The following MAOB variants were observed in gnomAD, a reference collection of about 807,000 sequenced individuals.
MAOB encodes the protein amine oxidase [flavin-containing] B.
Under a neutral mutation model 41.9 loss-of-function variants are expected in MAOB, and 15 were observed. That is an observed-to-expected ratio of 0.36 (90% CI 0.24 to 0.55). The LOEUF is 0.55. Ranked by LOEUF, MAOB falls within the 20% of genes least tolerant of loss-of-function variation. The pLI is 0.86. For missense variants in MAOB, 345 were observed against 398.7 expected, an observed-to-expected ratio of 0.87 and a Z score of 1.15; for synonymous variants, 167 against 144.2, an observed-to-expected ratio of 1.16 and a Z score of -1.13.
At chrX:43,868,497 A>G (rs2035379438) in intron 1 of MAOB, among the ~76,000 whole-genome samples, 1 of 111,836 alleles carries the variant, frequency 8.9e-6, no homozygotes, top group Non-Finnish European at 1.9e-5. Flanking sequence ...GAAGCAGGAC[A>G]CGGGTGGTAT....
chrX:43,833,845 C>T (rs2035044127), intron 3 of MAOB, among the ~76,000 whole-genome samples: 1 of 111,567 alleles, frequency 9.0e-6, no homozygotes, highest in Non-Finnish European at 1.9e-5. Flanking sequence ...ATCTCATATC[C>T]TAAATGTTGT....
chrX:43,869,967 C>G lies in MAOB; in HGVS notation c.46+12287G>C, dbSNP rs371441339. On this transcript the variant is annotated intron_variant, in intron 1 of 14. Coordinates refer to ENST00000378069, the MANE Select transcript of MAOB (RefSeq NM_000898.5). Reference sequence around the variant, plus strand: ...AACCAGCTTGCTCCCTCACAACTTCCCTTTCTCCCTTATCCATCAAGAACT... The same window carrying G: ...AACCAGCTTGCTCCCTCACAACTTCGCTTTCTCCCTTATCCATCAAGAACT... 3.6e-5 allele frequency among the ~76,000 whole-genome samples: 4 copies of G among 112,278 alleles called. No individual in the cohort carries two copies. The South Asian group carries it at 1.1e-3, about 31-fold the overall frequency.
chrX:43,849,428 A>G (rs894412395), intron 1 of MAOB, among the ~76,000 whole-genome samples: 1 of 112,624 alleles, frequency 8.9e-6, no homozygotes, highest in Non-Finnish European at 1.9e-5. Flanking sequence ...TCATACAAGC[A>G]TCAGGGCCAC....
At chrX:43,849,709 A>ATTC (rs1220545624) in intron 1 of MAOB, among the ~76,000 whole-genome samples, 1 of 112,719 alleles carries the variant, frequency 8.9e-6, no homozygotes, top group East Asian at 2.8e-4. Flanking sequence ...TTAATTGTCT[A>ATTC]TTCTTTGTCT....
intron 2 of MAOB, among the ~76,000 whole-genome samples, chrX:43,839,868 A>G (rs964285475): frequency 8.9e-5 from 10 of 112,290 alleles, no homozygotes; most frequent in African/African-American, 3.2e-4. Flanking sequence ...GTATTTTTCA[A>G]GGAATATGAA....
intron 1 of MAOB, among the ~76,000 whole-genome samples, chrX:43,867,132 G>A (rs1383557662): frequency 8.9e-6 from 1 of 112,115 alleles, no homozygotes; most frequent in Non-Finnish European, 1.9e-5. Context: ...GAAAATAAGT[G>A]CCAAGGAGAT....
intron 7 of MAOB, among the ~76,000 whole-genome samples, 196 bp downstream of exon 7, chrX:43,795,543 G>T (rs1216823906): frequency 5.4e-5 from 6 of 111,189 alleles, no homozygotes; most frequent in African/African-American, 2.0e-4. Context: ...GCTGGGGGTG[G>T]GGCTGAAAGT....
At chrX:43,848,314 A>G (rs1230366089) in intron 1 of MAOB, among the ~76,000 whole-genome samples, 3 of 112,063 alleles carry the variant, frequency 2.7e-5, no homozygotes, top group Non-Finnish European at 5.6e-5. Flanking sequence ...TTGATATTTA[A>G]CAAAACTTTT....
intron 1 of MAOB, among the ~76,000 whole-genome samples, chrX:43,865,623 A>G (rs1319798850): frequency 9.0e-6 from 1 of 111,663 alleles, no homozygotes; most frequent in Non-Finnish European, 1.9e-5. Flanking sequence ...TTAGAACTCA[A>G]TAAGATTGAT....
intron 2 of MAOB, among the ~76,000 whole-genome samples, chrX:43,840,832 C>T (rs1247803818): frequency 9.1e-6 from 1 of 110,180 alleles, no homozygotes; most frequent in African/African-American, 3.3e-5. Context: ...GCCACCAGGG[C>T]CCTGGGTTTC....
At chrX:43,819,380 G>A (rs2034855651) in intron 3 of MAOB, among the ~76,000 whole-genome samples, 1 of 111,233 alleles carries the variant, frequency 9.0e-6, no homozygotes. Flanking sequence ...AGAAAGGCCT[G>A]GCCCTCTTGC....
intron 3 of MAOB, among the ~76,000 whole-genome samples, chrX:43,817,566 T>C (rs2034831396): frequency 8.9e-6 from 1 of 111,922 alleles, no homozygotes; most frequent in Non-Finnish European, 1.9e-5. Context: ...ATTCAGAACA[T>C]GTCACTCCCT....
intron 8 of MAOB, 37 bp from the exon 9 acceptor site, chrX:43,781,581 C>T: frequency 2.6e-6 from 2 of 783,860 alleles, no homozygotes; most frequent in Non-Finnish European, 3.8e-6. Context: ...ATATTCATCA[C>T]TCTATCAAAA....
chrX:43,779,253 A>G (rs957807644), intron 10 of MAOB, among the ~76,000 whole-genome samples: 1 of 112,079 alleles, frequency 8.9e-6, no homozygotes, highest in African/African-American at 3.2e-5. Flanking sequence ...GACATTTTGA[A>G]CCCACAGGGA....
In MAOB at chrX:43,810,272, A is replaced by T. The variant is rs969930833; in HGVS notation, c.280-6868T>A. Among the ~76,000 whole-genome samples the T allele has an allele frequency of 8.2e-4, 86 of 104,256 alleles. 6 individuals carry two copies. The highest frequency in any genetic ancestry group is 2.8e-3 in the African/African-American group (80 of 29,042). 90.5% of individuals were successfully genotyped at this position (104,256 alleles called of 115,157 possible). On this transcript the variant is annotated intron_variant, in intron 3 of 14. Transcript: ENST00000378069. ...AAAAAAAAAAAAAAAAAAAAAAGAA[A>T]GCTATTGGAAGTTCAATTTGATTTA... is the stretch of plus-strand genomic sequence containing the variant.
At chrX:43,784,546 T>G (rs191915968) in intron 8 of MAOB, among the ~76,000 whole-genome samples, 1 of 111,728 alleles carries the variant, frequency 9.0e-6, no homozygotes, top group Non-Finnish European at 1.9e-5. Context: ...GTCTCAAGAG[T>G]GGGCTTAAAA....
intron 3 of MAOB, among the ~76,000 whole-genome samples, chrX:43,824,266 G>T (rs1375437844): frequency 8.9e-6 from 1 of 112,656 alleles, no homozygotes; most frequent in Non-Finnish European, 1.9e-5. Context: ...CATTTCACTT[G>T]TATGAGAAGC....
At chrX:43,779,684 G>A (rs1376185185) in intron 10 of MAOB, among the ~76,000 whole-genome samples, 2 of 111,432 alleles carry the variant, frequency 1.8e-5, no homozygotes, top group African/African-American at 6.5e-5. Flanking sequence ...TTTTAGGGAA[G>A]AGGCCGAGGC....
intron 3 of MAOB, among the ~76,000 whole-genome samples, chrX:43,830,823 A>G (rs934117488): frequency 8.9e-6 from 1 of 112,307 alleles, no homozygotes; most frequent in African/African-American, 3.2e-5. Flanking sequence ...TCTTCAGTGT[A>G]TCACAGCAGC....
Sources: gnomAD v4.1 joint callset for allele counts (sites outside exome capture counted in the v4.1 genomes callset) on GRCh38, gnomAD v4.1.1 for gene constraint, MANE v1.5 for transcripts, NCBI Gene and HGNC (gene_info 2026-07-23, HGNC 2026-07-21) for gene names.